The following RALGPS1 variants were observed in gnomAD, a reference collection of about 807,000 sequenced individuals.
RALGPS1 encodes the protein Ral GEF with PH domain and SH3 binding motif 1.
A neutral mutation model predicts 78.8 loss-of-function variants in RALGPS1; 19 were observed. The observed-to-expected ratio is 0.24, with a 90% CI of 0.17 to 0.35. The LOEUF is 0.35. Among genes scored for constraint, RALGPS1 ranks in the 10% least tolerant of loss-of-function variants. RALGPS1 has a pLI of 1.00. For missense variants in RALGPS1, 454 were observed against 688.3 expected (o/e 0.66, Z 3.81); for synonymous variants, 228 against 256.3 (o/e 0.89, Z 1.06).
intron 4 of RALGPS1, among the ~76,000 whole-genome samples, chr9:126,996,747 C>T (rs1366538806): frequency 6.6e-6 from 1 of 152,160 alleles, no homozygotes; most frequent in Non-Finnish European, 1.5e-5. Flanking sequence ...AATTTTAGAC[C>T]AATATCCTTG....
chr9:127,070,122 C>T (rs1332362425), intron 8 of RALGPS1: 4 of 152,260 alleles, frequency 2.6e-5, no homozygotes, highest in African/African-American at 9.6e-5. Flanking sequence ...TGAAGCTGTT[C>T]CACCTCAGAT....
intron 14 of RALGPS1, among the ~76,000 whole-genome samples, chr9:127,203,988 C>T (rs928706866): frequency 1.3e-5 from 2 of 152,148 alleles, no homozygotes; most frequent in African/African-American, 4.8e-5. Flanking sequence ...CGTTGACCTC[C>T]ACAGTGAAAG....
At chr9:127,039,784 A>G (rs1161056557) in intron 5 of RALGPS1, among the ~76,000 whole-genome samples, 1 of 151,986 alleles carries the variant, frequency 6.6e-6, no homozygotes, top group Admixed American at 6.6e-5. Context: ...AATGGGAGGG[A>G]AAGGGGGAAG....
chr9:127,050,249 G>T, intron 6 of RALGPS1, 117 bp downstream of exon 6: 8 of 850,820 alleles, frequency 9.4e-6, no homozygotes, highest in Non-Finnish European at 1.5e-5. Flanking sequence ...GCCAGGCACA[G>T]TTCAAACAGG....
chr9:127,215,010 C>T (rs2062494537), intron 18 of RALGPS1, among the ~76,000 whole-genome samples, 168 bp downstream of exon 18: 1 of 152,218 alleles, frequency 6.6e-6, no homozygotes, highest in African/African-American at 2.4e-5. Context: ...CCCCCTTGCT[C>T]AGCTTAGAAC....
intron 4 of RALGPS1, among the ~76,000 whole-genome samples, chr9:126,987,667 G>C (rs892758039): frequency 1.3e-5 from 2 of 152,104 alleles, no homozygotes; most frequent in Non-Finnish European, 2.9e-5. Flanking sequence ...TTTCCTAAGT[G>C]CTCGTGTTTT....
At chr9:127,156,843 C>G (rs902163404) in intron 8 of RALGPS1, among the ~76,000 whole-genome samples, 4 of 151,958 alleles carry the variant, frequency 2.6e-5, no homozygotes, top group Non-Finnish European at 5.9e-5. Context: ...GTATTTTATT[C>G]AAGTACTCGT....
intron 8 of RALGPS1, among the ~76,000 whole-genome samples, chr9:127,156,666 CCTATT>C (rs1221016711): frequency 6.6e-6 from 1 of 151,888 alleles, no homozygotes; most frequent in African/African-American, 2.4e-5. Flanking sequence ...AAATATTTTT[CCTATT>C]CTATTTGTCT....
intron 3 of RALGPS1, among the ~76,000 whole-genome samples, chr9:126,973,951 C>A (rs1202631030): frequency 6.6e-6 from 1 of 152,170 alleles, no homozygotes; most frequent in African/African-American, 2.4e-5. Flanking sequence ...CGGCTCACTG[C>A]AACCCACTCC....
chr9:126,928,022 A>T (rs2035459980), intron 1 of RALGPS1, among the ~76,000 whole-genome samples: 2 of 152,126 alleles, frequency 1.3e-5, no homozygotes, highest in Admixed American at 1.3e-4. Context: ...AGTACTTGGG[A>T]TCTACTCAGA....
Position 127,198,275 on chromosome 9 carries a change from C to T in RALGPS1, c.1196-740C>T, listed in dbSNP as rs201287555. On this transcript the variant is annotated intron_variant, in intron 13 of 18. Coordinates refer to ENST00000259351, the MANE Select transcript of RALGPS1 (RefSeq NM_014636.3). ...CAGATGCCAAGGGGCCTGGGATCTC[C>T]TCCCTCCCCCTTTCCCAGTGCTCAG... Among the ~76,000 whole-genome samples the T allele has an allele frequency of 9.9e-5, 15 of 152,176 alleles. No homozygotes were observed. The East Asian group carries it at 2.9e-3, about 29-fold the overall frequency.
In RALGPS1 at chr9:127,218,843, TG is replaced by T. The variant is rs2062699689; in HGVS notation, c.*77del. The T allele has an allele frequency of 6.6e-7, 1 of 1,516,810 alleles. No individual in the cohort carries two copies. Among genetic ancestry groups the T allele is most frequent in the African/African-American group, 1.4e-5 (1 of 72,844 alleles). The allele number at this position is 1,516,810 out of a possible 1,614,324, so 94.0% of individuals were successfully genotyped here. ...TGGGCCTGGTGGTGAAGAGCAGTCC[TG>T]GGCACAGGCTGTGAGCCAGGGTGCT... On this transcript the variant is annotated 3_prime_UTR_variant, in exon 19 of 19. Transcript: ENST00000259351. The surrounding 1 kb of genome is among the most constrained non-coding windows in gnomAD (Gnocchi z 4.4).
intron 3 of RALGPS1, among the ~76,000 whole-genome samples, chr9:126,966,660 G>C (rs184277731): frequency 1.6e-4 from 24 of 151,512 alleles, no homozygotes; most frequent in African/African-American, 5.6e-4. Context: ...TGTAGTATTT[G>C]GTTATAGATT....
At chr9:127,103,761 G>A (rs765233166) in intron 8 of RALGPS1, among the ~76,000 whole-genome samples, 7 of 152,166 alleles carry the variant, frequency 4.6e-5, no homozygotes, top group Non-Finnish European at 8.8e-5. Context: ...TGTTTGGAAC[G>A]TGGTACCAGG....
chr9:126,971,829 A>T (rs1438562687), intron 3 of RALGPS1, among the ~76,000 whole-genome samples: 1 of 152,216 alleles, frequency 6.6e-6, no homozygotes, highest in Non-Finnish European at 1.5e-5. Flanking sequence ...ATATAGTATG[A>T]CTATAGGATA....
chr9:127,096,842 C>T (rs1473178325), intron 8 of RALGPS1, among the ~76,000 whole-genome samples: 2 of 152,180 alleles, frequency 1.3e-5, no homozygotes, highest in Non-Finnish European at 2.9e-5. Flanking sequence ...CCAGTGTGTA[C>T]TGAGCATTTC....
rs150925598 is a variant in RALGPS1 at position 127,213,072 on chromosome 9, C to T, written c.1552+23C>T. Reference sequence around the variant, plus strand: ...AAGGTAGGCAGCAGGCCAGAGCTGGCGCCTGCAGCTGCTCTCTGCCCATTT... The same window carrying T: ...AAGGTAGGCAGCAGGCCAGAGCTGGTGCCTGCAGCTGCTCTCTGCCCATTT... On this transcript the variant is annotated intron_variant, in intron 17 of 18. Coordinates refer to ENST00000259351, the MANE Select transcript of RALGPS1 (RefSeq NM_014636.3). 668 of 1,613,918 alleles carry T rather than the reference C, an allele frequency of 4.1e-4. 4 individuals carry two copies. The highest frequency in any genetic ancestry group is 4.1e-3 in the African/African-American group (307 of 75,040).
chr9:126,923,771 G>T (rs533082665), intron 1 of RALGPS1, among the ~76,000 whole-genome samples: 2 of 152,320 alleles, frequency 1.3e-5, no homozygotes, highest in South Asian at 4.1e-4. Flanking sequence ...ATGGCCTCAA[G>T]CGATCCTCCT....
chr9:126,937,975 G>T (rs970543786), intron 1 of RALGPS1, among the ~76,000 whole-genome samples: 1 of 152,152 alleles, frequency 6.6e-6, no homozygotes, highest in Non-Finnish European at 1.5e-5. Context: ...GGAGGTGGGT[G>T]CTCCTTTACA....
Sources: allele counts gnomAD v4.1 joint callset (sites outside exome capture counted in the v4.1 genomes callset), GRCh38; gene constraint gnomAD v4.1.1; non-coding constraint Gnocchi (gnomAD v3.1); transcripts MANE v1.5; gene names NCBI Gene and HGNC (gene_info 2026-07-23, HGNC 2026-07-21).